LARP1: variants seen among roughly 807,000 people sequenced by gnomAD.
LARP1 encodes the protein La ribonucleoprotein 1, translational regulator.
Under a neutral mutation model 122.7 loss-of-function variants are expected in LARP1, and 36 were observed. The ratio of observed to expected loss-of-function variants is 0.29; its 90% CI spans 0.22 to 0.39. The LOEUF is 0.39. Ranked by LOEUF, LARP1 falls within the 10% of genes least tolerant of loss-of-function variation. The pLI, the probability that LARP1 is intolerant of heterozygous loss-of-function variation, is 1.00. For missense variants in LARP1, 1,040 were observed against 1,403.6 expected, an observed-to-expected ratio of 0.74 and a Z score of 4.14; for synonymous variants, 539 against 528.7, an observed-to-expected ratio of 1.02 and a Z score of -0.27.
At chr5:154,704,444 C>T (rs1158392779) in intron 1 of LARP1, among the ~76,000 whole-genome samples, 2 of 151,640 alleles carry the variant, frequency 1.3e-5, no homozygotes, top group Admixed American at 6.6e-5. Context: ...GTCAGGAGTT[C>T]GAGATCAGCC....
chr5:154,718,150 C>T (rs574422122), intron 1 of LARP1, among the ~76,000 whole-genome samples: 23 of 152,042 alleles, frequency 1.5e-4, no homozygotes, highest in Non-Finnish European at 2.9e-4. Flanking sequence ...TCAAATTCCT[C>T]GTGTCAAATG....
chr5:154,765,252 G>A lies in LARP1; in HGVS notation c.436+9059G>A, dbSNP rs1326243723. ...ATGTACTCTTTGCTTTGGGTCTTAT[G>A]TTCTGTAGTGCTCTTCCCGCAGATC... On this transcript the variant is annotated intron_variant, in intron 1 of 18. Coordinates refer to ENST00000518297, the MANE Select transcript of LARP1 (RefSeq NM_033551.3). Among the ~76,000 whole-genome samples the A allele has an allele frequency of 2.6e-5, 4 of 152,114 alleles. No homozygotes were observed. In the East Asian group the frequency reaches 7.7e-4, roughly 29 times the overall value.
At chr5:154,795,859 A>G in intron 8 of LARP1, among the ~76,000 whole-genome samples, 1 of 133,614 alleles carries the variant, frequency 7.5e-6, no homozygotes, top group African/African-American at 2.8e-5. Context: ...TATATATTTT[A>G]TATACATTTA....
intron 1 of LARP1, chr5:154,705,831 G>A (rs1298733648): frequency 6.6e-6 from 1 of 152,182 alleles, no homozygotes; most frequent in Non-Finnish European, 1.5e-5. Flanking sequence ...GCTGTGGAAA[G>A]CAGTTTGGGG....
At chr5:154,693,011 G>T in intron 1 of LARP1, among the ~76,000 whole-genome samples, 1 of 130,330 alleles carries the variant, frequency 7.7e-6, no homozygotes, top group African/African-American at 3.1e-5. Context: ...TTTTTGTAGA[G>T]ACAAAGTCTC....
chr5:154,703,606 C>T (rs1269876965), intron 1 of LARP1, among the ~76,000 whole-genome samples: 2 of 152,040 alleles, frequency 1.3e-5, no homozygotes, highest in Non-Finnish European at 2.9e-5. Context: ...AAAGTGAGAC[C>T]TTGTCTCTAA....
At chr5:154,693,859 A>C (rs1409244830) in intron 1 of LARP1, among the ~76,000 whole-genome samples, 9 of 146,062 alleles carry the variant, frequency 6.2e-5, no homozygotes, top group African/African-American at 5.3e-5. Flanking sequence ...CCGTCTAAAA[A>C]AAAAAAAAAA....
At chr5:154,797,396 G>T (rs1757970773) in intron 8 of LARP1, among the ~76,000 whole-genome samples, 1 of 151,600 alleles carries the variant, frequency 6.6e-6, no homozygotes, top group Admixed American at 6.6e-5. Flanking sequence ...ACCACACCCA[G>T]CTAATTTTGT....
At chr5:154,804,742 G>T in intron 14 of LARP1, 1 of 456,214 alleles carries the variant, frequency 2.2e-6, no homozygotes, top group Non-Finnish European at 4.4e-6. Flanking sequence ...GCTTCTTGGG[G>T]TAGGGCCCAC....
At chr5:154,771,092 G>A (rs113402535) in intron 1 of LARP1, among the ~76,000 whole-genome samples, 24,785 of 150,076 alleles carry the variant, frequency 0.17, 2,687 homozygotes, top group African/African-American at 0.31. Flanking sequence ...AGCCTGGGCA[G>A]CAGAGCGAGA....
intron 14 of LARP1, chr5:154,805,138 G>A: frequency 3.0e-6 from 1 of 334,702 alleles, no homozygotes; most frequent in Non-Finnish European, 5.8e-6. Flanking sequence ...CAAACACTGG[G>A]GCCTACTTGG....
chr5:154,786,255 G>A (rs541292235), intron 1 of LARP1, among the ~76,000 whole-genome samples: 5 of 152,110 alleles, frequency 3.3e-5, no homozygotes, highest in Non-Finnish European at 7.4e-5. Context: ...TGGCCAGGCT[G>A]GTCTCTAACT....
At chr5:154,691,134 C>T (rs1403072845) in intron 1 of LARP1, among the ~76,000 whole-genome samples, 14 of 151,688 alleles carry the variant, frequency 9.2e-5, no homozygotes, top group Non-Finnish European at 1.8e-4. Flanking sequence ...TGGTGGCGGG[C>T]GCCTGTAGTC....
rs1369921079 is a variant in LARP1, at chr5:154,734,430, TAC to T, written c.205+21302_205+21303del. The stretch of plus-strand genomic sequence containing the variant: ...TAACAAAATGTTCCCTAAAAAAAGT[TAC>T]AGAGTACAGATTAGCAAAAGGGACA... On this transcript the variant is annotated intron_variant, in intron 1 of 18. Transcript: ENST00000336314. Among the ~76,000 whole-genome samples, 10 of 152,278 alleles carry T rather than the reference TAC, an allele frequency of 6.6e-5. No homozygotes were observed. The South Asian group carries it at 1.0e-3, about 16-fold the overall frequency.
chr5:154,720,724 A>G (rs1195576916), intron 1 of LARP1, among the ~76,000 whole-genome samples: 2 of 152,096 alleles, frequency 1.3e-5, no homozygotes, highest in African/African-American at 2.4e-5. Context: ...GAAAAAAGAA[A>G]AGAGAAGAAA....
chr5:154,815,678 G>T lies in LARP1; in HGVS notation c.*1582G>T. ...GATGAGGAGGAGTTGGGGGCTGGGG[G>T]GAATCCTGCCAGTTGGTGAAGCCCT... On this transcript the variant is annotated 3_prime_UTR_variant, in exon 19 of 19. Coordinates refer to ENST00000518297, the MANE Select transcript of LARP1 (RefSeq NM_033551.3). 1 of 152,822 alleles carries T rather than the reference G, an allele frequency of 6.5e-6. No homozygotes were observed. Among genetic ancestry groups the T allele is most frequent in the Non-Finnish European group, 1.5e-5 (1 of 68,454 alleles). The allele number at this position is 152,822 out of a possible 1,614,324, so 9.5% of individuals were successfully genotyped here.
intron 1 of LARP1, among the ~76,000 whole-genome samples, chr5:154,713,581 T>A (rs986134148): frequency 3.3e-4 from 50 of 152,202 alleles, no homozygotes; most frequent in African/African-American, 1.2e-3. Flanking sequence ...TTTGACCTTT[T>A]GAAATATGAG....
At chr5:154,789,066 C>T (rs1351600693) in intron 1 of LARP1, among the ~76,000 whole-genome samples, 1 of 151,756 alleles carries the variant, frequency 6.6e-6, no homozygotes, top group African/African-American at 2.4e-5. Context: ...CAAAAATGAG[C>T]TGGGCATGGT....
Position 154,803,520 on chromosome 5 carries a change from T to A in LARP1, c.2234-20T>A, listed in dbSNP as rs749309145. 14 of 1,613,952 alleles carry A rather than the reference T, an allele frequency of 8.7e-6. No homozygotes were observed. The highest frequency in any genetic ancestry group is 1.1e-5 in the South Asian group (1 of 91,070). On this transcript the variant is annotated intron_variant, in intron 12 of 18. Coordinates refer to ENST00000518297, the MANE Select transcript of LARP1 (RefSeq NM_033551.3). The surrounding 1 kb of genome is among the most constrained non-coding windows in gnomAD (Gnocchi z 4.4). ...CACAGGCCTTTCCCTGCTTCCTGAC[T>A]CCTCTCTCTGCCTCTGCAGTTCCTA...
Sources: allele counts gnomAD v4.1 joint callset (sites outside exome capture counted in the v4.1 genomes callset), GRCh38; gene constraint gnomAD v4.1.1; non-coding constraint Gnocchi (gnomAD v3.1); transcripts MANE v1.5; gene names NCBI Gene and HGNC (gene_info 2026-07-23, HGNC 2026-07-21).